SRBD1: variants seen among roughly 807,000 people sequenced by gnomAD.
The protein encoded by SRBD1 is S1 RNA binding domain 1.
A neutral mutation model predicts 115.3 loss-of-function variants in SRBD1; 88 were observed. The observed-to-expected ratio is 0.76, with a 90% CI of 0.64 to 0.91. The LOEUF (loss-of-function observed/expected upper bound fraction) is 0.91, where lower values mean the gene tolerates loss of function less well. Ranked by LOEUF, SRBD1 falls within the 40% of genes least tolerant of loss-of-function variation. The pLI is 0.00. For synonymous variants in SRBD1, 509 were observed against 407.7 expected (o/e 1.25, Z -2.99); for missense variants, 1,385 against 1,177.4 (o/e 1.18, Z -2.58).
At chr2:45,493,125 G>A (rs1670349366) in intron 14 of SRBD1, among the ~76,000 whole-genome samples, 1 of 152,134 alleles carries the variant, frequency 6.6e-6, no homozygotes. Context: ...TATGCCAAAT[G>A]CCTAGCTCAT....
intron 16 of SRBD1, among the ~76,000 whole-genome samples, chr2:45,461,597 A>AC: frequency 6.6e-6 from 1 of 152,314 alleles, no homozygotes; most frequent in Non-Finnish European, 1.5e-5. Flanking sequence ...TGTGTGGTAC[A>AC]CATCCCCACC....
At chr2:45,592,882 C>G (rs748390591) in intron 4 of SRBD1, among the ~76,000 whole-genome samples, 3 of 152,102 alleles carry the variant, frequency 2.0e-5, no homozygotes, top group African/African-American at 4.8e-5. Flanking sequence ...ATCAGAAACT[C>G]TGGGGTGGGG....
intron 4 of SRBD1, among the ~76,000 whole-genome samples, chr2:45,590,681 C>T (rs1673693379): frequency 6.6e-6 from 1 of 152,144 alleles, no homozygotes; most frequent in Non-Finnish European, 1.5e-5. Context: ...GATTGTAAGT[C>T]TCCTGAGGTC....
chr2:45,470,780 A>G (rs1669625745), intron 16 of SRBD1, among the ~76,000 whole-genome samples: 1 of 152,036 alleles, frequency 6.6e-6, no homozygotes, highest in African/African-American at 2.4e-5. Context: ...TTTAGGGGTC[A>G]GTTAGGGATA....
At chr2:45,455,635 C>G (rs1042317248) in intron 16 of SRBD1, among the ~76,000 whole-genome samples, 1 of 151,786 alleles carries the variant, frequency 6.6e-6, no homozygotes, top group Non-Finnish European at 1.5e-5. Flanking sequence ...TGTCACCCCC[C>G]TTCTGATAGG....
chr2:45,481,354 G>C (rs568646418), intron 15 of SRBD1, among the ~76,000 whole-genome samples: 4 of 152,202 alleles, frequency 2.6e-5, no homozygotes, highest in African/African-American at 7.2e-5. Flanking sequence ...AGAATGATCA[G>C]GCTGACAAAA....
At chr2:45,549,573 G>A (rs981625010) in intron 12 of SRBD1, among the ~76,000 whole-genome samples, 1 of 151,328 alleles carries the variant, frequency 6.6e-6, no homozygotes, top group Non-Finnish European at 1.5e-5. Flanking sequence ...TAAGAGTAAC[G>A]TTAATTCTGG....
At chr2:45,506,694 A>G (rs1670809568) in intron 14 of SRBD1, among the ~76,000 whole-genome samples, 1 of 152,182 alleles carries the variant, frequency 6.6e-6, no homozygotes, top group South Asian at 2.1e-4. Context: ...AAGACCAATT[A>G]AAATATACAG....
chr2:45,539,589 A>G (rs1671869702), intron 14 of SRBD1, among the ~76,000 whole-genome samples: 2 of 152,198 alleles, frequency 1.3e-5, no homozygotes, highest in Admixed American at 6.5e-5. Flanking sequence ...GGAACTACTG[A>G]TGAGAATATG....
At chr2:45,496,701 T>A (rs1001704251) in intron 14 of SRBD1, among the ~76,000 whole-genome samples, 23 of 152,142 alleles carry the variant, frequency 1.5e-4, no homozygotes, top group African/African-American at 5.6e-4. Context: ...CCTCTCTCCC[T>A]TCTCTTACAT....
intron 4 of SRBD1, among the ~76,000 whole-genome samples, chr2:45,586,489 C>G (rs956787489): frequency 2.0e-5 from 3 of 152,150 alleles, no homozygotes; most frequent in Non-Finnish European, 4.4e-5. Context: ...CCTTCTATAT[C>G]TTTTGAATTT....
chr2:45,544,571 T>G lies in SRBD1; in HGVS notation c.1874+2161A>C, dbSNP rs1003177719. ...ATGGCATCTAATTCATATCCATTAA[T>G]AAGACTGAACATCTCATGATACCAC... On this transcript the variant is annotated intron_variant, in intron 14 of 20. Coordinates refer to ENST00000263736, the MANE Select transcript of SRBD1 (RefSeq NM_018079.5). Among the ~76,000 whole-genome samples the G allele has an allele frequency of 2.0e-5, 3 of 152,216 alleles. 1 individual carries two copies. The highest frequency in any genetic ancestry group is 2.0e-4 in the Admixed American group (3 of 15,288).
intron 16 of SRBD1, among the ~76,000 whole-genome samples, chr2:45,422,360 C>A (rs1362542012): frequency 6.6e-6 from 1 of 152,174 alleles, no homozygotes. Context: ...AGGCCATATG[C>A]TTTGGAAAAG....
intron 9 of SRBD1, among the ~76,000 whole-genome samples, chr2:45,566,135 C>T (rs1672823484): frequency 6.6e-6 from 1 of 152,316 alleles, no homozygotes; most frequent in East Asian, 1.9e-4. Context: ...GGCATAGCCA[C>T]TCTGGAAAAT....
chr2:45,425,743 C>G (rs904986280), intron 16 of SRBD1, among the ~76,000 whole-genome samples: 1 of 152,134 alleles, frequency 6.6e-6, no homozygotes, highest in Non-Finnish European at 1.5e-5. Context: ...AACTCCCTCC[C>G]TCCCCTAGCC....
At position 45,392,304 on chromosome 2, in the gene SRBD1, G is replaced by A. The variant is rs574671292; in HGVS notation, c.2698+641C>T. On this transcript the variant is annotated intron_variant, in intron 20 of 20. Coordinates refer to ENST00000263736, the MANE Select transcript of SRBD1 (RefSeq NM_018079.5). ...CATCAAAACTGGTTATAAGACCAGTGAGCGGATTCATTTAAATCTCAGGGG... is the reference window on the plus strand; with the variant it reads ...CATCAAAACTGGTTATAAGACCAGTAAGCGGATTCATTTAAATCTCAGGGG... Among the ~76,000 whole-genome samples the A allele has an allele frequency of 1.4e-4, 21 of 152,278 alleles. No homozygotes were observed. The South Asian group carries it at 2.5e-3, about 18-fold the overall frequency.
At chr2:45,594,135 G>A (rs1212758929) in intron 4 of SRBD1, among the ~76,000 whole-genome samples, 1 of 152,034 alleles carries the variant, frequency 6.6e-6, no homozygotes, top group African/African-American at 2.4e-5. Flanking sequence ...CTAATAAGTG[G>A]TTCCACCTTT....
chr2:45,428,585 CATAA>C (rs1207189656), intron 16 of SRBD1, among the ~76,000 whole-genome samples: 8 of 148,870 alleles, frequency 5.4e-5, no homozygotes, highest in Non-Finnish European at 1.0e-4. Context: ...TAAATAAATA[CATAA>C]ATAAATAAAT....
Position 45,546,953 on chromosome 2 carries a change from T to C in SRBD1, c.1767-114A>G, listed in dbSNP as rs1281991874. The stretch of plus-strand genomic sequence containing the variant: ...TATATGATTCTCTTATTCTCTCATA[T>C]ATACAAGCAACCTGTCCACTGTTGC... On this transcript the variant is annotated intron_variant, in intron 13 of 20. Transcript: ENST00000263736. 4.1e-6 allele frequency: 4 copies of C among 979,750 alleles called. No homozygotes were observed. In the African/African-American group the frequency reaches 6.4e-5, roughly 16 times the overall value. 60.7% of individuals were successfully genotyped at this position (979,750 alleles called of 1,614,324 possible). A position where few individuals can be genotyped will look rare whatever the true frequency, so the allele number is the denominator to read the frequency against.
Sources: allele counts gnomAD v4.1 joint callset (sites outside exome capture counted in the v4.1 genomes callset), GRCh38; gene constraint gnomAD v4.1.1; transcripts MANE v1.5; gene names NCBI Gene and HGNC (gene_info 2026-07-23, HGNC 2026-07-21).